Variants in EDA observed in about 807,000 individuals in gnomAD.
The protein encoded by EDA is ectodysplasin A.
Under a neutral mutation model 23.6 loss-of-function variants are expected in EDA, and 2 were observed. The ratio of observed to expected loss-of-function variants is 0.08; its 90% CI spans 0.03 to 0.27. EDA has a LOEUF of 0.27. Among genes scored for constraint, EDA ranks in the 10% least tolerant of loss-of-function variants. EDA has a pLI of 1.00. For synonymous variants in EDA, 131 were observed against 132.0 expected, an observed-to-expected ratio of 0.99 and a Z score of 0.05; for missense variants, 229 against 324.2, an observed-to-expected ratio of 0.71 and a Z score of 2.26.
At chrX:69,767,800 C>T (rs372210961) in intron 1 of EDA, among the ~76,000 whole-genome samples, 1 of 111,786 alleles carries the variant, frequency 8.9e-6, no homozygotes, top group African/African-American at 3.2e-5. Context: ...TCAAATTTTG[C>T]ACTAGCACTA....
intron 1 of EDA, among the ~76,000 whole-genome samples, chrX:69,872,699 C>A: frequency 9.0e-6 from 1 of 111,452 alleles, no homozygotes; most frequent in African/African-American, 3.3e-5. Flanking sequence ...AGGAAAATAT[C>A]ACAATTGTAA....
intron 1 of EDA, among the ~76,000 whole-genome samples, chrX:69,898,392 G>A (rs2018050010): frequency 9.1e-6 from 1 of 109,976 alleles, no homozygotes. Flanking sequence ...TGGCTAACAT[G>A]GTGAAACCCC....
chrX:69,723,407 A>G (rs901715460), intron 1 of EDA, among the ~76,000 whole-genome samples: 2 of 112,339 alleles, frequency 1.8e-5, no homozygotes, highest in Admixed American at 1.9e-4. Context: ...GTTATAGAAC[A>G]TCAGCATACA....
intron 2 of EDA, among the ~76,000 whole-genome samples, chrX:69,978,460 A>G (rs2019351421): frequency 1.0e-5 from 1 of 98,976 alleles, no homozygotes; most frequent in Non-Finnish European, 2.0e-5. Context: ...CTGAAGTTGC[A>G]TCACTGCACT....
chrX:69,987,326 A>G (rs1403709798), intron 2 of EDA, among the ~76,000 whole-genome samples: 1 of 106,456 alleles, frequency 9.4e-6, no homozygotes, highest in Non-Finnish European at 1.9e-5. Context: ...ATAAATAAAT[A>G]AAAAAAAAAT....
chrX:69,989,360 A>G (rs2019550995), intron 2 of EDA, among the ~76,000 whole-genome samples: 1 of 111,878 alleles, frequency 8.9e-6, no homozygotes, highest in Non-Finnish European at 1.9e-5. Context: ...TCATGTCAGC[A>G]GGGCACATCA....
intron 1 of EDA, among the ~76,000 whole-genome samples, chrX:69,900,313 A>G (rs1054754342): frequency 4.6e-5 from 5 of 108,747 alleles, no homozygotes. Flanking sequence ...GTTTTATCAT[A>G]AATATATATA....
chrX:69,918,027 A>G (rs1269094071), intron 1 of EDA, among the ~76,000 whole-genome samples: 1 of 111,325 alleles, frequency 9.0e-6, no homozygotes, highest in Non-Finnish European at 1.9e-5. Context: ...AAAGAAATGG[A>G]AGGGAATTCA....
intron 1 of EDA, among the ~76,000 whole-genome samples, chrX:69,705,691 A>G (rs1396174498): frequency 6.2e-5 from 7 of 112,213 alleles, no homozygotes; most frequent in Non-Finnish European, 1.3e-4. Context: ...GGGGACCAAC[A>G]GGGAGTCCCT....
chrX:69,879,820 T>C (rs1207298499), intron 1 of EDA, among the ~76,000 whole-genome samples: 1 of 111,482 alleles, frequency 9.0e-6, no homozygotes, highest in Non-Finnish European at 1.9e-5. Context: ...CAGCTGAACA[T>C]GGGTGCAGGT....
At chrX:69,909,288 G>GTTGGT (rs2147651725) in intron 1 of EDA, among the ~76,000 whole-genome samples, 1 of 111,352 alleles carries the variant, frequency 9.0e-6, no homozygotes, top group Admixed American at 9.6e-5. Context: ...TTGTTTGTTG[G>GTTGGT]TTGGTTTGTT....
At chrX:69,766,309 C>T (rs907946069) in intron 1 of EDA, among the ~76,000 whole-genome samples, 1 of 110,540 alleles carries the variant, frequency 9.0e-6, no homozygotes, top group African/African-American at 3.3e-5. Flanking sequence ...ATTTTAGGTT[C>T]AGGGTTACAT....
At chrX:69,653,540 C>A (rs1482223841) in intron 1 of EDA, among the ~76,000 whole-genome samples, 1 of 111,251 alleles carries the variant, frequency 9.0e-6, no homozygotes, top group African/African-American at 3.3e-5. Context: ...GAGAGGGCAT[C>A]CCTATCTTGT....
chrX:69,815,897 A>G (rs1370738796), intron 1 of EDA, among the ~76,000 whole-genome samples: 3 of 112,153 alleles, frequency 2.7e-5, no homozygotes, highest in Non-Finnish European at 5.6e-5. Context: ...AGATCTTTCA[A>G]CTATAGGAGG....
intron 1 of EDA, among the ~76,000 whole-genome samples, chrX:69,695,912 A>G (rs1465219333): frequency 9.0e-6 from 1 of 111,152 alleles, no homozygotes; most frequent in Non-Finnish European, 1.9e-5. Context: ...CCTACCAAAA[A>G]GGTAAAGAAA....
intron 1 of EDA, among the ~76,000 whole-genome samples, chrX:69,833,184 A>C (rs1467947431): frequency 8.9e-6 from 1 of 111,773 alleles, no homozygotes; most frequent in Non-Finnish European, 1.9e-5. Flanking sequence ...GTTTGTCATA[A>C]ATAGCTCTAA....
intron 1 of EDA, among the ~76,000 whole-genome samples, chrX:69,938,226 A>T (rs1385815428): frequency 9.0e-6 from 1 of 110,694 alleles, no homozygotes; most frequent in Non-Finnish European, 1.9e-5. Context: ...AGGGATCTGC[A>T]CCACACCGTG....
chrX:69,834,626 C>G (rs1259902036), intron 1 of EDA, among the ~76,000 whole-genome samples: 4 of 108,191 alleles, frequency 3.7e-5, no homozygotes, highest in African/African-American at 6.7e-5. Flanking sequence ...TGAGATGGGT[C>G]TGCTGAACAT....
intron 2 of EDA, among the ~76,000 whole-genome samples, chrX:69,967,506 T>C (rs902801066): frequency 1.8e-5 from 2 of 111,730 alleles, no homozygotes; most frequent in African/African-American, 6.5e-5. Context: ...GTCCAAGATA[T>C]GCATCTGAAG....
Sources: gnomAD v4.1 joint callset for allele counts (sites outside exome capture counted in the v4.1 genomes callset) on GRCh38, gnomAD v4.1.1 for gene constraint, MANE v1.5 for transcripts, NCBI Gene and HGNC (gene_info 2026-07-23, HGNC 2026-07-21) for gene names.